The following C2CD2L variants were observed in gnomAD, a reference collection of about 807,000 sequenced individuals.
The protein encoded by C2CD2L is phospholipid transfer protein C2CD2L.
C2CD2L carries 24 observed loss-of-function variants against 69.9 expected under a neutral mutation model. That is an observed-to-expected ratio of 0.34 (90% CI 0.25 to 0.48). The LOEUF is 0.48. Among genes scored for constraint, C2CD2L ranks in the 20% least tolerant of loss-of-function variants. The pLI is 0.99. For missense variants in C2CD2L, 811 were observed against 941.5 expected, an observed-to-expected ratio of 0.86 and a Z score of 1.81; for synonymous variants, 367 against 391.0, an observed-to-expected ratio of 0.94 and a Z score of 0.72.
In C2CD2L at chr11:119,111,332, C is replaced by T. The variant is rs377646752; in HGVS notation, c.868C>T (p.Leu290=). The change falls in exon 6 of 14, where the codon CTA becomes TTA. Residue 290 remains leucine (L), a synonymous_variant. Coordinates refer to ENST00000648610, the MANE Select transcript of C2CD2L (RefSeq NM_001290474.2). ...PAIPRPNRLF[L]RQLRASHLGN... ...CATCCCCAGACCTAACCGGTTATTC[C>T]TACGGCAGCTTCGGGCATCTCACTT... is the stretch of plus-strand genomic sequence containing the variant. 4 of 1,614,126 alleles carry T rather than the reference C, an allele frequency of 2.5e-6. No homozygotes were observed. The African/African-American group carries it at 5.3e-5, about 22-fold the overall frequency.
rs140465655 is a variant in C2CD2L, at chr11:119,108,028, A to T, written c.287A>T (p.Lys96Met). ...RGLLASLFAF[K>M]SFRENWQRAW... is the part of the protein sequence containing the mutation. ...CTCCTGGCGTCACTCTTCGCCTTCA[A>T]GTCTTTCCGGGAGAACTGGCAGCGG... Residue 96 changes from lysine (K) to methionine (M), a missense_variant, in exon 1 of 14, where the codon AAG becomes ATG. Physicochemically the swap from Lys to Met is moderately conservative, Grantham distance 95. Transcript: ENST00000648610. 2 of 1,599,362 alleles carry T rather than the reference A, an allele frequency of 1.3e-6. No individual in the cohort carries two copies. The highest frequency in any genetic ancestry group is 1.7e-6 in the Non-Finnish European group (2 of 1,174,346).
In C2CD2L at chr11:119,112,837, C is replaced by T; in HGVS notation, c.1350C>T (p.Thr450=). Residue 450 remains threonine, a synonymous_variant, in exon 10 of 14, where the codon ACC becomes ACT. Transcript: ENST00000648610. ...ATGGCACCATTGTCACCACAGTCAC[C>T]ACTGTCCAGTCCCGGCCCCGTATAG... ...MPDGTIVTTV[T]TVQSRPRIDG... is the part of the protein sequence containing the mutation. The T allele has an allele frequency of 1.2e-6, 2 of 1,614,096 alleles. No individual in the cohort carries two copies. Among genetic ancestry groups the T allele is most frequent in the Non-Finnish European group, 1.7e-6 (2 of 1,179,984 alleles).
Position 119,113,629 on chromosome 11 carries a change from C to T in C2CD2L, c.1406C>T (p.Pro469Leu), listed in dbSNP as rs1216431576. The change falls in exon 11 of 14, where the codon CCG becomes CTG. Residue 469 changes from proline (P) to leucine (L), a missense_variant. Transcript: ENST00000648610. The stretch of plus-strand genomic sequence containing the variant: ...CCACCAGACTCCCCCTCCCGCTCCC[C>T]GTCCAAGGTGGAGGTGACCGAGAAG... ...DGKLDSPSRS[P>L]SKVEVTEKTT... 48 of 1,613,662 alleles carry T rather than the reference C, an allele frequency of 3.0e-5. No individual in the cohort carries two copies. The highest frequency in any genetic ancestry group is 1.5e-4 in the South Asian group (14 of 91,068).
intron 13 of C2CD2L, 184 bp from the exon 14 acceptor site, chr11:119,115,861 C>T (rs1592245561): frequency 5.0e-6 from 3 of 598,546 alleles, no homozygotes; most frequent in East Asian, 2.8e-5. Context: ...TTTCTTTTTT[C>T]TTTTTTTCAC....
upstream of C2CD2L, among the ~76,000 whole-genome samples, chr11:119,104,732 T>G (rs2134927242): frequency 6.6e-6 from 1 of 152,360 alleles, no homozygotes; most frequent in South Asian, 2.1e-4. Context: ...CTAAGTAGCC[T>G]TGAGTGGCTC....
At position 119,107,862 on chromosome 11, in the gene C2CD2L, C is replaced by A; in HGVS notation, c.121C>A (p.Arg41=). The A allele has an allele frequency of 6.6e-7, 1 of 1,516,678 alleles. No individual in the cohort carries two copies. Among genetic ancestry groups the A allele is most frequent in the Non-Finnish European group, 8.8e-7 (1 of 1,142,384 alleles). The allele number at this position is 1,516,678 out of a possible 1,614,324, so 94.0% of individuals were successfully genotyped here. ...LQYARGLWLA[R]ARGDRGPGPA... is the part of the protein sequence containing the mutation. Reference sequence around the variant, plus strand: ...ATATGCCCGGGGCTTGTGGCTGGCGCGGGCCCGCGGGGACCGGGGCCCGGG... The same window carrying A: ...ATATGCCCGGGGCTTGTGGCTGGCGAGGGCCCGCGGGGACCGGGGCCCGGG... Residue 41 remains arginine, a synonymous_variant, in exon 1 of 14, where the codon CGG becomes AGG. Coordinates refer to ENST00000648610, the MANE Select transcript of C2CD2L (RefSeq NM_001290474.2). The surrounding 1 kb of genome is among the most constrained non-coding windows in gnomAD (Gnocchi z 5.4).
rs1946925870 is a variant in C2CD2L at position 119,117,627 on chromosome 11, T to A, written c.*1371T>A. ...CTCAGAAGAAACTGGGAGGGGGAAGTCTTAGAAGTGTTTCAACATAATAAA... is the reference window on the plus strand; with the variant it reads ...CTCAGAAGAAACTGGGAGGGGGAAGACTTAGAAGTGTTTCAACATAATAAA... On this transcript the variant is annotated 3_prime_UTR_variant, in exon 14 of 14. Transcript: ENST00000648610. The A allele has an allele frequency of 6.6e-6, 1 of 152,198 alleles. No homozygotes were observed. The highest frequency in any genetic ancestry group is 2.1e-4 in the South Asian group (1 of 4,826). The allele number at this position is 152,198 out of a possible 1,614,324, so 9.4% of individuals were successfully genotyped here.
chr11:119,115,277 A>T (rs1592245037), intron 13 of C2CD2L: 3 of 133,502 alleles, frequency 2.2e-5, no homozygotes, highest in African/African-American at 8.8e-5. Context: ...AAAAAAAAAA[A>T]ATTCTTCCCT....
At position 119,110,694 on chromosome 11, in the gene C2CD2L, T is replaced by C. The variant is rs1339121316; in HGVS notation, c.570+14T>C. 1.2e-6 allele frequency: 2 copies of C among 1,613,818 alleles called. No individual in the cohort carries two copies. Among genetic ancestry groups the C allele is most frequent in the Non-Finnish European group, 1.7e-6 (2 of 1,179,908 alleles). The stretch of plus-strand genomic sequence containing the variant: ...CCACCAACACAGGTAGAAGGGGATG[T>C]GGGAAACTGAGTTGGGCAGGGGCGG... On this transcript the variant is annotated intron_variant, in intron 3 of 13. Coordinates refer to ENST00000648610, the MANE Select transcript of C2CD2L (RefSeq NM_001290474.2). This position sits in a 1 kb window ranked among gnomAD's most constrained non-coding sequence, Gnocchi z 5.7.
intron 10 of C2CD2L, 151 bp from the exon 11 acceptor site, chr11:119,113,460 C>T: frequency 8.1e-7 from 1 of 1,227,676 alleles, no homozygotes; most frequent in Middle Eastern, 2.9e-4. Context: ...TTTTAGTCCC[C>T]ACGGCATCTT....
At chr11:119,113,816 G>A (rs1272589395) in intron 11 of C2CD2L, 39 bp from the exon 12 acceptor site, 1 of 1,612,158 alleles carries the variant, frequency 6.2e-7, no homozygotes, top group Admixed American at 1.7e-5. Context: ...GAAAGAGCCA[G>A]GGAGAAGTCA....
Position 119,112,521 on chromosome 11 carries a change from C to T in C2CD2L, c.1124C>T (p.Pro375Leu), listed in dbSNP as rs1169091130. The T allele has an allele frequency of 1.9e-6, 3 of 1,613,748 alleles. No individual in the cohort carries two copies. The highest frequency in any genetic ancestry group is 2.5e-6 in the Non-Finnish European group (3 of 1,179,898). Reference sequence around the variant, plus strand: ...CAGGCCACACTGCCTGTGGGCTCCCCCTCCAGACCACTGTCTCGAAGACAG... The same window carrying T: ...CAGGCCACACTGCCTGTGGGCTCCCTCTCCAGACCACTGTCTCGAAGACAG... ...LGQATLPVGS[P>L]SRPLSRRQLC... is the part of the protein sequence containing the mutation. The change falls in exon 9 of 14, where the codon CCC (proline) becomes CTC (leucine). Residue 375 changes from proline to leucine, a missense_variant. By Grantham distance (98) the Pro-to-Leu change is moderately conservative. Transcript: ENST00000648610.
chr11:119,107,873 G>T lies in C2CD2L; in HGVS notation c.132G>T (p.Gly44=), dbSNP rs774577840. The T allele has an allele frequency of 2.6e-6, 4 of 1,519,300 alleles. No individual in the cohort carries two copies. The African/African-American group carries it at 4.3e-5, about 16-fold the overall frequency. The allele number at this position is 1,519,300 out of a possible 1,614,324, so 94.1% of individuals were successfully genotyped here. A position where few individuals can be genotyped will look rare whatever the true frequency, so the allele number is the denominator to read the frequency against. Reference sequence around the variant, plus strand: ...GCTTGTGGCTGGCGCGGGCCCGCGGGGACCGGGGCCCGGGACCCGCCTTAG... The same window carrying T: ...GCTTGTGGCTGGCGCGGGCCCGCGGTGACCGGGGCCCGGGACCCGCCTTAG... ...ARGLWLARAR[G]DRGPGPALAG... is the part of the protein sequence containing the mutation. Residue 44 remains glycine, a synonymous_variant, in exon 1 of 14, where the codon GGG becomes GGT. Transcript: ENST00000648610. This position sits in a 1 kb window ranked among gnomAD's most constrained non-coding sequence, Gnocchi z 5.4.
chr11:119,110,717 C>T lies in C2CD2L; in HGVS notation c.570+37C>T, dbSNP rs371781479. 128 of 1,611,822 alleles carry T rather than the reference C, an allele frequency of 7.9e-5. 1 individual carries two copies. The highest frequency in any genetic ancestry group is 2.7e-4 in the African/African-American group (20 of 74,896). The stretch of plus-strand genomic sequence containing the variant: ...TGTGGGAAACTGAGTTGGGCAGGGG[C>T]GGTTCCATTGGCTCAGCTTCTTCCA... On this transcript the variant is annotated intron_variant, in intron 3 of 13. Coordinates refer to ENST00000648610, the MANE Select transcript of C2CD2L (RefSeq NM_001290474.2). This position sits in a 1 kb window ranked among gnomAD's most constrained non-coding sequence, Gnocchi z 5.7.
chr11:119,107,590 A>T lies in C2CD2L; in HGVS notation c.-152A>T. ...CTCCTCTCCTCGCCCTGTGGCACCC[A>T]CTAGTCCTGGGCACTCAGCCGCGGA... On this transcript the variant is annotated 5_prime_UTR_variant, in exon 1 of 14. Coordinates refer to ENST00000648610, the MANE Select transcript of C2CD2L (RefSeq NM_001290474.2). This position sits in a 1 kb window ranked among gnomAD's most constrained non-coding sequence, Gnocchi z 5.4. 2.3e-6 allele frequency: 1 copy of T among 443,028 alleles called. No individual in the cohort carries two copies. The highest frequency in any genetic ancestry group is 2.1e-5 in the African/African-American group (1 of 46,898). 27.4% of individuals were successfully genotyped at this position (443,028 alleles called of 1,614,324 possible).
upstream of C2CD2L, chr11:119,106,769 AAGG>A (rs1198974760): frequency 1.3e-5 from 2 of 152,258 alleles, no homozygotes; most frequent in Non-Finnish European, 2.9e-5. Context: ...CTACACGAGC[AAGG>A]AGGTTAATGG....
Position 119,110,499 on chromosome 11 carries a change from A to G in C2CD2L, c.451-62A>G. The G allele has an allele frequency of 6.4e-7, 1 of 1,564,618 alleles. No individual in the cohort carries two copies. Among genetic ancestry groups the G allele is most frequent in the Non-Finnish European group, 8.6e-7 (1 of 1,158,490 alleles). ...GGGGAGGGGTCTGCTGAACTATTAC[A>G]GGGCAGTTCAAAGCAGGGTGAGCAC... On this transcript the variant is annotated intron_variant, in intron 2 of 13. Transcript: ENST00000648610. The surrounding 1 kb of genome is among the most constrained non-coding windows in gnomAD (Gnocchi z 5.7).
In C2CD2L at chr11:119,114,176, T is replaced by C; in HGVS notation, c.1720T>C (p.Ser574Pro). 1.2e-6 allele frequency: 2 copies of C among 1,614,078 alleles called. No individual in the cohort carries two copies. The highest frequency in any genetic ancestry group is 1.6e-4 in the Middle Eastern group (1 of 6,062). ...QDDAGTSGGP[S>P]SPPSDPPAMS... Reference sequence around the variant, plus strand: ...TGATGCAGGGACCAGCGGAGGCCCCTCTTCACCTCCCTCAGACCCACCAGC... The same window carrying C: ...TGATGCAGGGACCAGCGGAGGCCCCCCTTCACCTCCCTCAGACCCACCAGC... Residue 574 changes from serine to proline, a missense_variant, in exon 13 of 14, where the codon TCT (serine) becomes CCT (proline). Coordinates refer to ENST00000648610, the MANE Select transcript of C2CD2L (RefSeq NM_001290474.2). This position sits in a 1 kb window ranked among gnomAD's most constrained non-coding sequence, Gnocchi z 5.1.
upstream of C2CD2L, among the ~76,000 whole-genome samples, chr11:119,103,881 T>C (rs1031993665): frequency 2.0e-5 from 3 of 152,252 alleles, no homozygotes; most frequent in African/African-American, 7.2e-5. Flanking sequence ...GTGTGTTGTG[T>C]GTATGCACGT....
Sources: allele counts gnomAD v4.1 joint callset (sites outside exome capture counted in the v4.1 genomes callset), GRCh38; gene constraint gnomAD v4.1.1; non-coding constraint Gnocchi (gnomAD v3.1); transcripts MANE v1.5; gene names NCBI Gene and HGNC (gene_info 2026-07-23, HGNC 2026-07-21).